PIK3C2B: variants seen among roughly 807,000 people sequenced by gnomAD.
The protein encoded by PIK3C2B is phosphatidylinositol 4-phosphate 3-kinase C2 domain-containing subunit beta.
Under a neutral mutation model 184.3 loss-of-function variants are expected in PIK3C2B, and 83 were observed. The ratio of observed to expected loss-of-function variants is 0.45; its 90% CI spans 0.38 to 0.54. The LOEUF (loss-of-function observed/expected upper bound fraction) is 0.54. Among genes scored for constraint, PIK3C2B ranks in the 20% least tolerant of loss-of-function variants. The probability of loss-of-function intolerance (pLI) is 0.00; values close to 1 mark genes in which losing one functional copy is unlikely to be tolerated. For missense variants in PIK3C2B, 1,736 were observed against 2,113.5 expected (o/e 0.82, Z 3.50); for synonymous variants, 779 against 837.6 (o/e 0.93, Z 1.21).
chr1:204,492,758 T>C (rs1480717600), intron 1 of PIK3C2B, among the ~76,000 whole-genome samples: 1 of 151,894 alleles, frequency 6.6e-6, no homozygotes, highest in Non-Finnish European at 1.5e-5. Context: ...ATGCTTCCAG[T>C]GGAGAAGGAA....
In PIK3C2B at chr1:204,434,695, A is replaced by G. The variant is rs188030706; in HGVS notation, c.3517-87T>C. The G allele has an allele frequency of 2.5e-5, 26 of 1,043,094 alleles. No homozygotes were observed. The East Asian group carries it at 6.4e-4, about 26-fold the overall frequency. 64.6% of individuals were successfully genotyped at this position (1,043,094 alleles called of 1,614,324 possible). A position where few individuals can be genotyped will look rare whatever the true frequency, so the allele number is the denominator to read the frequency against. ...GGCCACAGCCAGACAGAACTCAGCC[A>G]GCCCTGGCCTCTCTCTCTTCTGTGA... is the stretch of plus-strand genomic sequence containing the variant. On this transcript the variant is annotated intron_variant, in intron 23 of 32. Transcript: ENST00000684373.
intron 23 of PIK3C2B, among the ~76,000 whole-genome samples, chr1:204,436,006 T>G (rs936324731): frequency 1.3e-5 from 2 of 152,226 alleles, no homozygotes; most frequent in African/African-American, 4.8e-5. Context: ...ATGAATCCTA[T>G]TTTGGCTGAG....
chr1:204,470,387 C>T (rs936472475), intron 1 of PIK3C2B, among the ~76,000 whole-genome samples: 1 of 152,150 alleles, frequency 6.6e-6, no homozygotes, highest in Non-Finnish European at 1.5e-5. Context: ...AGGCTGGTTT[C>T]GAACTCTTGA....
rs113857608 is a variant in PIK3C2B, at chr1:204,439,508, A to G, written c.3380-437T>C. Among the ~76,000 whole-genome samples the G allele has an allele frequency of 2.4e-3, 361 of 152,336 alleles. 3 individuals are homozygous for G. The highest frequency in any genetic ancestry group is 8.2e-3 in the African/African-American group (342 of 41,578). On this transcript the variant is annotated intron_variant, in intron 22 of 32. Coordinates refer to ENST00000684373, the MANE Select transcript of PIK3C2B (RefSeq NM_001377334.1). The stretch of plus-strand genomic sequence containing the variant: ...ATCCCAGATACTTTATTTCACTCAT[A>G]AATATTTCAAGTGTAATTAACAAAG...
chr1:204,428,161 G>A lies in PIK3C2B; in HGVS notation c.4458C>T (p.Thr1486=), dbSNP rs1286234614. ...TACCTGAGGACTTAGGAGCTGGGCT[G>A]GTGCCCATAGCCTTCTCATCCCGGG... ...PLPRDEKAMG[T]SPAPKSSDGT... is the part of the protein sequence containing the mutation. Residue 1486 remains threonine, a synonymous_variant, in exon 30 of 33, where the codon ACC becomes ACT. Transcript: ENST00000684373. 4 of 1,608,808 alleles carry A rather than the reference G, an allele frequency of 2.5e-6. No homozygotes were observed. Among genetic ancestry groups the A allele is most frequent in the Middle Eastern group, 3.3e-4 (2 of 6,056 alleles).
chr1:204,430,363 T>G (rs77561704), intron 28 of PIK3C2B, among the ~76,000 whole-genome samples: 78 of 152,076 alleles, frequency 5.1e-4, no homozygotes, highest in Admixed American at 2.2e-3. Context: ...TTTTTTTTTT[T>G]GAGATGGAGT....
rs78921803 is a variant in PIK3C2B, at chr1:204,464,436, C to T, written c.1189+14G>A. On this transcript the variant is annotated intron_variant, in intron 4 of 32. Transcript: ENST00000684373. ...CAAGGGATGCTCACATCCTCTCCCCCCTCACTAACTTACAGTTGCAGGTGA... is the reference window on the plus strand; with the variant it reads ...CAAGGGATGCTCACATCCTCTCCCCTCTCACTAACTTACAGTTGCAGGTGA... 314 of 1,610,328 alleles carry T rather than the reference C, an allele frequency of 1.9e-4. No homozygotes were observed. In the African/African-American group the frequency reaches 3.6e-3, roughly 19 times the overall value.
Position 204,447,303 on chromosome 1 carries a change from G to C in PIK3C2B, c.2489+133C>G. On this transcript the variant is annotated intron_variant, in intron 15 of 32. Transcript: ENST00000684373. The surrounding 1 kb of genome is among the most constrained non-coding windows in gnomAD (Gnocchi z 4.1). ...TGTCAGCTGATGGAGAAAGGCCTGG[G>C]GGCTGCCTCCACTTCCTGCTGAGAT... is the stretch of plus-strand genomic sequence containing the variant. 1.3e-6 allele frequency: 1 copy of C among 788,302 alleles called. No individual in the cohort carries two copies. Among genetic ancestry groups the C allele is most frequent in the East Asian group, 2.6e-5 (1 of 38,184 alleles). The allele number at this position is 788,302 out of a possible 1,614,324, so 48.8% of individuals were successfully genotyped here.
At chr1:204,480,928 T>A (rs548516178) in intron 1 of PIK3C2B, among the ~76,000 whole-genome samples, 1 of 152,256 alleles carries the variant, frequency 6.6e-6, no homozygotes, top group East Asian at 1.9e-4. Flanking sequence ...CAGAGTCTAA[T>A]GATAAAGCAG....
chr1:204,465,235 A>T lies in PIK3C2B; in HGVS notation c.1018T>A (p.Cys340Ser). Residue 340 changes from cysteine to serine, a missense_variant, in exon 3 of 33, where the codon TGC becomes AGC. Coordinates refer to ENST00000684373, the MANE Select transcript of PIK3C2B (RefSeq NM_001377334.1). ...EERDEEVAAF[C>S]HMLDILRSGS... The stretch of plus-strand genomic sequence containing the variant: ...AACTCTTACATATCCAGCATGTGGC[A>T]AAATGCAGCAACCTCCTCATCTCTC... 1 of 1,509,870 alleles carries T rather than the reference A, an allele frequency of 6.6e-7. No homozygotes were observed. The allele number at this position is 1,509,870 out of a possible 1,614,324, so 93.5% of individuals were successfully genotyped here. A position where few individuals can be genotyped will look rare whatever the true frequency, so the allele number is the denominator to read the frequency against.
intron 5 of PIK3C2B, among the ~76,000 whole-genome samples, chr1:204,463,350 A>G (rs1655485154): frequency 6.7e-6 from 1 of 149,666 alleles, no homozygotes; most frequent in African/African-American, 2.5e-5. Flanking sequence ...CCATCTGAGA[A>G]GTGATAACCT....
At chr1:204,426,236 G>C (rs185268181) in intron 31 of PIK3C2B, among the ~76,000 whole-genome samples, 1 of 152,192 alleles carries the variant, frequency 6.6e-6, no homozygotes, top group East Asian at 1.9e-4. Context: ...TCTCATTCAG[G>C]GAAAAAGCCA....
intron 2 of PIK3C2B, among the ~76,000 whole-genome samples, chr1:204,466,278 A>G (rs1257183315): frequency 6.6e-6 from 1 of 152,202 alleles, no homozygotes; most frequent in Non-Finnish European, 1.5e-5. Context: ...TGTGGTTCCA[A>G]CAGCTGTTTC....
At chr1:204,485,400 C>T (rs1368378558) in intron 1 of PIK3C2B, among the ~76,000 whole-genome samples, 1 of 150,178 alleles carries the variant, frequency 6.7e-6, no homozygotes, top group African/African-American at 2.5e-5. Context: ...TATTCTTTTA[C>T]CTGAAAAATT....
Position 204,442,590 on chromosome 1 carries a change from G to A in PIK3C2B, c.3092C>T (p.Ala1031Val), listed in dbSNP as rs758430445. The part of the protein sequence containing the change: ...TGLEEVKQFF[A>V]LNGSCRLPLS... ...TGGCAAGCGGCACGAGCCATTGAGGGCAAAGAACTGCTTCACCTCCTCCAG... is the reference window on the plus strand; with the variant it reads ...TGGCAAGCGGCACGAGCCATTGAGGACAAAGAACTGCTTCACCTCCTCCAG... Residue 1031 changes from alanine to valine, a missense_variant, in exon 20 of 33, where the codon GCC (alanine) becomes GTC (valine). Physicochemically the swap from Ala to Val is moderately conservative, Grantham distance 64. Around this residue, in one of 8 missense-constraint regions of PIK3C2B, gnomAD observed 289 missense variants for 380.4 expected, o/e 0.76. Transcript: ENST00000684373. The A allele has an allele frequency of 2.6e-6, 4 of 1,556,308 alleles. No individual in the cohort carries two copies. Among genetic ancestry groups the A allele is most frequent in the Admixed American group, 1.9e-5 (1 of 51,496 alleles).
Position 204,446,082 on chromosome 1 carries a change from C to T in PIK3C2B, c.2552G>A (p.Ser851Asn). 1 of 1,598,288 alleles carries T rather than the reference C, an allele frequency of 6.3e-7. No individual in the cohort carries two copies. The highest frequency in any genetic ancestry group is 1.1e-5 in the South Asian group (1 of 89,378). Residue 851 changes from serine to asparagine, a missense_variant, in exon 16 of 33, where the codon AGC (serine) becomes AAC (asparagine). Transcript: ENST00000684373. ...EKRYYCHSEVSSLPLVLASAP... is the reference protein window; with the variant it reads ...EKRYYCHSEVNSLPLVLASAP... ...GCTGGCGAGCACCAGGGGGAGCGAG[C>T]TCACCTCCGAGTGGCAGTAATATCG...
chr1:204,428,461 A>G (rs1465777035), intron 29 of PIK3C2B, among the ~76,000 whole-genome samples: 3 of 152,212 alleles, frequency 2.0e-5, no homozygotes, highest in Non-Finnish European at 1.5e-5. Context: ...TTTAAAAACA[A>G]GACTTTATTG....
intron 1 of PIK3C2B, among the ~76,000 whole-genome samples, chr1:204,476,562 A>T (rs3014604): frequency 0.87 from 132,696 of 152,244 alleles, 59,612 homozygotes; most frequent in Non-Finnish European, 0.99. Flanking sequence ...AAATTAAATT[A>T]AAATTTAAAT....
rs1655556639 is a variant in PIK3C2B, at chr1:204,464,132, C to A, written c.1190G>T (p.Cys397Phe). ...LQEALTFTCN[C>F]SSTVDLLIYQ... The stretch of plus-strand genomic sequence containing the variant: ...GATAAGCAAGTCTACAGTGGAGGAA[C>A]CTGTGAAGGGTAAGGTAGGGGGAGC... The change falls in exon 5 of 33, where the codon TGT becomes TTT. Residue 397 changes from cysteine to phenylalanine, a missense_variant and splice_region_variant. Transcript: ENST00000684373. The A allele has an allele frequency of 6.2e-7, 1 of 1,613,858 alleles. No homozygotes were observed. The highest frequency in any genetic ancestry group is 8.5e-7 in the Non-Finnish European group (1 of 1,179,864).
Sources: gnomAD v4.1 joint callset for allele counts (sites outside exome capture counted in the v4.1 genomes callset) on GRCh38, gnomAD v4.1.1 for gene constraint, gnomAD v4.1.1 regional missense constraint, Gnocchi (gnomAD v3.1) non-coding constraint, MANE v1.5 for transcripts, NCBI Gene and HGNC (gene_info 2026-07-23, HGNC 2026-07-21) for gene names.